PEX6: variants seen among roughly 807,000 people sequenced by gnomAD.
PEX6 encodes peroxisomal biogenesis factor 6, also known as peroxisome biogenesis factor 6.
A neutral mutation model predicts 85.6 loss-of-function variants in PEX6; 55 were observed. That is an observed-to-expected ratio of 0.64 (90% CI 0.52 to 0.80). The LOEUF is 0.80. Among genes scored for constraint, PEX6 ranks in the 30% least tolerant of loss-of-function variants. The pLI, the probability that PEX6 is intolerant of heterozygous loss-of-function variation, is 0.00. For synonymous variants in PEX6, 519 were observed against 549.1 expected (o/e 0.95, Z 0.77); for missense variants, 1,099 against 1,260.3 (o/e 0.87, Z 1.94).
In PEX6 at chr6:42,968,282, A is replaced by G. The variant is rs2114244420; in HGVS notation, c.1688+8T>C. 2 of 1,612,952 alleles carry G rather than the reference A, an allele frequency of 1.2e-6. No homozygotes were observed. The highest frequency in any genetic ancestry group is 1.1e-5 in the South Asian group (1 of 91,068). The stretch of plus-strand genomic sequence containing the variant: ...CCAGCTTTGAGAGGCCCAGCTCTGT[A>G]TAAGTACCTGTTGAGGGGGTCCTCA... On this transcript the variant is annotated splice_region_variant and intron_variant, in intron 7 of 16. Transcript: ENST00000304611.
chr6:42,969,539 A>G, intron 5 of PEX6, 129 bp downstream of exon 5: 2 of 1,144,014 alleles, frequency 1.7e-6, no homozygotes, highest in African/African-American at 1.5e-5. Context: ...TGTAGGACAT[A>G]CTGGTTTGAG....
chr6:42,975,708 T>C (rs1344125804), intron 1 of PEX6, among the ~76,000 whole-genome samples: 1 of 151,848 alleles, frequency 6.6e-6, no homozygotes, highest in Admixed American at 6.6e-5. Flanking sequence ...AAAAACATGA[T>C]TTAGTTTTTT....
In PEX6 at chr6:42,966,220, C is replaced by T. The variant is rs745776934; in HGVS notation, c.2300+22G>A. 5.0e-6 allele frequency: 8 copies of T among 1,611,420 alleles called. No individual in the cohort carries two copies. The South Asian group carries it at 8.8e-5, about 18-fold the overall frequency. ...CTGCAGCCCCTGATCCACCCACCATCCCTTCCAGGCCCCCTGGCCACCTGA... is the reference window on the plus strand; with the variant it reads ...CTGCAGCCCCTGATCCACCCACCATTCCTTCCAGGCCCCCTGGCCACCTGA... On this transcript the variant is annotated intron_variant, in intron 11 of 16. Coordinates refer to ENST00000304611, the MANE Select transcript of PEX6 (RefSeq NM_000287.4).
At chr6:42,970,047 G>A (rs905854244) in intron 3 of PEX6, 60 bp from the exon 4 acceptor site, 11 of 1,344,276 alleles carry the variant, frequency 8.2e-6, no homozygotes, top group Non-Finnish European at 1.2e-5. Context: ...CCTCCTCAAG[G>A]ACAAGGTTTC....
chr6:42,969,839 C>T (rs370016864), intron 4 of PEX6, 38 bp from the exon 5 acceptor site: 20 of 1,614,062 alleles, frequency 1.2e-5, no homozygotes, highest in Middle Eastern at 1.7e-4. Context: ...TTCTAAAAAT[C>T]GTTTCTACCC....
In PEX6 at chr6:42,965,281, G is replaced by A. The variant is rs767271773; in HGVS notation, c.2559C>T (p.Leu853=). 3.1e-6 allele frequency: 5 copies of A among 1,614,136 alleles called. No individual in the cohort carries two copies. The highest frequency in any genetic ancestry group is 1.7e-5 in the Admixed American group (1 of 60,022). Residue 853 remains leucine, a synonymous_variant, in exon 14 of 17, where the codon CTC becomes CTT. Transcript: ENST00000304611. This position sits in a 1 kb window ranked among gnomAD's most constrained non-coding sequence, Gnocchi z 5.0. ...CAGGCCGCAGAAGGGCAGGGTCCAG[G>A]AGATCTGGTCTGTTGGTGGCTCCAA... The part of the protein sequence containing the change: ...FVIGATNRPD[L]LDPALLRPGR...
rs1357797157 is a variant in PEX6, at chr6:42,974,869, G to GCTA, written c.1046+3_1046+5dup. ...GCTATCCTCCTTAAAAGGTTAGGTA[G>GCTA]CTAACCTGGGTATCTGAAAGTGCCG... is the stretch of plus-strand genomic sequence containing the variant. On this transcript the variant is annotated splice_donor_region_variant and intron_variant, in intron 2 of 16. Coordinates refer to ENST00000304611, the MANE Select transcript of PEX6 (RefSeq NM_000287.4). The GCTA allele has an allele frequency of 6.2e-7, 1 of 1,611,756 alleles. No individual in the cohort carries two copies. Among genetic ancestry groups the GCTA allele is most frequent in the Admixed American group, 1.7e-5 (1 of 60,000 alleles).
At chr6:42,975,074 C>T in intron 1 of PEX6, 36 bp from the exon 2 acceptor site, 1 of 1,556,644 alleles carries the variant, frequency 6.4e-7, no homozygotes, top group Non-Finnish European at 8.9e-7. Context: ...ATAACCTTCT[C>T]CTAAGGGGGC....
chr6:42,974,177 T>C, intron 2 of PEX6, 91 bp from the exon 3 acceptor site: 1 of 957,154 alleles, frequency 1.0e-6, no homozygotes, highest in Non-Finnish European at 1.7e-6. Flanking sequence ...TGCAGACTAC[T>C]TCTTGAGTCT....
rs1045347004 is a variant in PEX6 at position 42,971,996 on chromosome 6, C to G, written c.1130+2007G>C. 6.6e-6 allele frequency among the ~76,000 whole-genome samples: 1 copy of G among 152,166 alleles called. No homozygotes were observed. Among genetic ancestry groups the G allele is most frequent in the African/African-American group, 2.4e-5 (1 of 41,432 alleles). On this transcript the variant is annotated intron_variant, in intron 3 of 16. Coordinates refer to ENST00000304611, the MANE Select transcript of PEX6 (RefSeq NM_000287.4). The surrounding 1 kb of genome is among the most constrained non-coding windows in gnomAD (Gnocchi z 4.4). The stretch of plus-strand genomic sequence containing the variant: ...GACTCGTGGACTTAATCTGGAAAAC[C>G]TCGAAGAGGTGACATGGAGCCTAAA...
intron 6 of PEX6, 84 bp from the exon 7 acceptor site, chr6:42,968,582 T>C (rs1419179767): frequency 8.0e-7 from 1 of 1,251,920 alleles, no homozygotes; most frequent in Non-Finnish European, 1.1e-6. Context: ...AGGTGGAAGA[T>C]GTGGGCCATC....
chr6:42,965,604 T>G lies in PEX6; in HGVS notation c.2471+77A>C, dbSNP rs1769755761. 1.9e-6 allele frequency: 2 copies of G among 1,058,212 alleles called. No individual in the cohort carries two copies. Among genetic ancestry groups the G allele is most frequent in the Non-Finnish European group, 3.0e-6 (2 of 673,010 alleles). The allele number at this position is 1,058,212 out of a possible 1,614,324, so 65.6% of individuals were successfully genotyped here. The stretch of plus-strand genomic sequence containing the variant: ...ACAGCAGGAACTTCTATCTCTGGAC[T>G]CTGAAGACTGCTGTGAGCTTTCTCA... On this transcript the variant is annotated intron_variant, in intron 13 of 16. Coordinates refer to ENST00000304611, the MANE Select transcript of PEX6 (RefSeq NM_000287.4). This position sits in a 1 kb window ranked among gnomAD's most constrained non-coding sequence, Gnocchi z 5.0.
Position 42,969,983 on chromosome 6 carries a change from G to T in PEX6, c.1135C>A (p.Arg379=). ...TTCTTCACTTTAAAAAACATTTCCC[G>T]CCACCTGCAGGAAAAAGGCCCAATG... The part of the protein sequence containing the change: ...EGSPEKLPRW[R]EMFFKVKKTV... The change falls in exon 4 of 17, where the codon CGG becomes AGG. Residue 379 remains arginine, a synonymous_variant. Transcript: ENST00000304611. 1 of 1,613,774 alleles carries T rather than the reference G, an allele frequency of 6.2e-7. No homozygotes were observed. The highest frequency in any genetic ancestry group is 8.5e-7 in the Non-Finnish European group (1 of 1,179,802).
intron 4 of PEX6, 28 bp downstream of exon 4, chr6:42,969,857 T>C (rs1490194600): frequency 1.2e-6 from 2 of 1,614,076 alleles, no homozygotes; most frequent in South Asian, 2.2e-5. Flanking sequence ...CCCCCTGCGC[T>C]GGTCTACACC....
At position 42,968,916 on chromosome 6, in the gene PEX6, T is replaced by C. The variant is rs769120023; in HGVS notation, c.1437A>G (p.Val479=). 6 of 1,613,950 alleles carry C rather than the reference T, an allele frequency of 3.7e-6. No homozygotes were observed. The African/African-American group carries it at 6.7e-5, about 18-fold the overall frequency. The change falls in exon 6 of 17, where the codon GTA becomes GTG. Residue 479 remains valine (V), a synonymous_variant. Coordinates refer to ENST00000304611, the MANE Select transcript of PEX6 (RefSeq NM_000287.4). The part of the protein sequence containing the change: ...RGPPGCGKTT[V]VAAACSHLGL... ...CAAGGTGACTACAGGCAGCAGCAAC[T>C]ACTGTGGTCTTCCCACAGCCTGGGG...
At position 42,971,244 on chromosome 6, in the gene PEX6, T is replaced by C. The variant is rs1191756809; in HGVS notation, c.1131-1257A>G. Reference sequence around the variant, plus strand: ...GAACATCAGGAAGCCTGAATCTGCCTATAATTAATTATAAATAGGTGACAG... The same window carrying C: ...GAACATCAGGAAGCCTGAATCTGCCCATAATTAATTATAAATAGGTGACAG... On this transcript the variant is annotated intron_variant, in intron 3 of 16. Transcript: ENST00000304611. The surrounding 1 kb of genome is among the most constrained non-coding windows in gnomAD (Gnocchi z 4.4). 2.6e-5 allele frequency among the ~76,000 whole-genome samples: 4 copies of C among 152,186 alleles called. No homozygotes were observed. Among genetic ancestry groups the C allele is most frequent in the Non-Finnish European group, 5.9e-5 (4 of 68,034 alleles).
rs183449855 is a variant in PEX6 at position 42,979,126 on chromosome 6, G to A, written c.25C>T (p.Leu9=). Residue 9 remains leucine (L), a synonymous_variant, in exon 1 of 17, where the codon CTG becomes TTG. Coordinates refer to ENST00000304611, the MANE Select transcript of PEX6 (RefSeq NM_000287.4). ...GGTGTCTCGGTCGGAAAGGGCTCCA[G>A]GACCCGCAAGACAGCCAGCGCCATG... The part of the protein sequence containing the change: MALAVLRV[L]EPFPTETPPL... 198 of 1,575,948 alleles carry A rather than the reference G, an allele frequency of 1.3e-4. 2 individuals carry two copies. The highest frequency in any genetic ancestry group is 1.1e-3 in the East Asian group (46 of 43,650).
In PEX6 at chr6:42,965,566, T is replaced by G. The variant is rs975984069; in HGVS notation, c.2471+115A>C. The G allele has an allele frequency of 2.4e-5, 22 of 929,170 alleles. No individual in the cohort carries two copies. The highest frequency in any genetic ancestry group is 2.1e-4 in the South Asian group (16 of 76,676). 57.6% of individuals were successfully genotyped at this position (929,170 alleles called of 1,614,324 possible). ...GCCCCTTTCAGCTTCCATTATATTATCTCAGAACTGAAACAGCAGGAACTT... is the reference window on the plus strand; with the variant it reads ...GCCCCTTTCAGCTTCCATTATATTAGCTCAGAACTGAAACAGCAGGAACTT... On this transcript the variant is annotated intron_variant, in intron 13 of 16. Coordinates refer to ENST00000304611, the MANE Select transcript of PEX6 (RefSeq NM_000287.4). This position sits in a 1 kb window ranked among gnomAD's most constrained non-coding sequence, Gnocchi z 5.0.
In PEX6 at chr6:42,964,663, C is replaced by T; in HGVS notation, c.2806+127G>A. 1 of 1,383,148 alleles carries T rather than the reference C, an allele frequency of 7.2e-7. No homozygotes were observed. The highest frequency in any genetic ancestry group is 1.0e-6 in the Non-Finnish European group (1 of 975,844). 85.7% of individuals were successfully genotyped at this position (1,383,148 alleles called of 1,614,324 possible). A position where few individuals can be genotyped will look rare whatever the true frequency, so the allele number is the denominator to read the frequency against. On this transcript the variant is annotated intron_variant, in intron 16 of 16. Coordinates refer to ENST00000304611, the MANE Select transcript of PEX6 (RefSeq NM_000287.4). The surrounding 1 kb of genome is among the most constrained non-coding windows in gnomAD (Gnocchi z 4.6). ...AGAGTTGGGGTCTCTCTGTGTTGCCCAGGCTGGCCTCAAACTCCTGGGCTC... is the reference window on the plus strand; with the variant it reads ...AGAGTTGGGGTCTCTCTGTGTTGCCTAGGCTGGCCTCAAACTCCTGGGCTC...
Sources: gnomAD v4.1 joint callset for allele counts (sites outside exome capture counted in the v4.1 genomes callset) on GRCh38, gnomAD v4.1.1 for gene constraint, Gnocchi (gnomAD v3.1) non-coding constraint, MANE v1.5 for transcripts, NCBI Gene and HGNC (gene_info 2026-07-23, HGNC 2026-07-21) for gene names.